Variants in ATP11A observed in about 807,000 individuals in gnomAD.
ATP11A encodes the protein ATPase phospholipid transporting 11A, also known as phospholipid-transporting ATPase IH.
ATP11A carries 81 observed loss-of-function variants against 154.4 expected under a neutral mutation model. The ratio of observed to expected loss-of-function variants is 0.52; its 90% CI spans 0.44 to 0.63. ATP11A has a LOEUF of 0.63. ATP11A is among the 30% of genes least tolerant of loss of function. The pLI, the probability that ATP11A is intolerant of heterozygous loss-of-function variation, is 0.00. For missense variants in ATP11A, 1,316 were observed against 1,474.3 expected, an observed-to-expected ratio of 0.89 and a Z score of 1.76; for synonymous variants, 623 against 585.9, an observed-to-expected ratio of 1.06 and a Z score of -0.91.
At chr13:112,811,520 A>G (rs556836566) in intron 5 of ATP11A, 10 of 152,364 alleles carry the variant, frequency 6.6e-5, no homozygotes, top group African/African-American at 2.2e-4. Context: ...TAATAAAATC[A>G]TATCAATATA....
At chr13:112,803,712 T>G (rs902980612) in intron 2 of ATP11A, among the ~76,000 whole-genome samples, 7 of 127,162 alleles carry the variant, frequency 5.5e-5, no homozygotes, top group African/African-American at 2.3e-4. Context: ...CTTCTCTCAT[T>G]CCCCTCCTTC....
At chr13:112,860,522 C>T in intron 24 of ATP11A, 108 bp downstream of exon 24, 4 of 1,289,212 alleles carry the variant, frequency 3.1e-6, no homozygotes, top group Non-Finnish European at 4.4e-6. Flanking sequence ...GGGCCAGAAG[C>T]ATTCGGCATC....
intron 1 of ATP11A, among the ~76,000 whole-genome samples, chr13:112,776,827 C>T (rs935597230): frequency 1.3e-5 from 2 of 152,148 alleles, no homozygotes; most frequent in Non-Finnish European, 2.9e-5. Context: ...AAACTCCTGA[C>T]CTCAGGTGAT....
intron 1 of ATP11A, among the ~76,000 whole-genome samples, chr13:112,758,625 G>A (rs1269520038): frequency 7.3e-5 from 11 of 151,510 alleles, no homozygotes; most frequent in Non-Finnish European, 1.3e-4. Flanking sequence ...GGGTTTCACC[G>A]TGTTAGCCAG....
At chr13:112,868,541 A>G (rs1451271820) in intron 25 of ATP11A, among the ~76,000 whole-genome samples, 2 of 152,210 alleles carry the variant, frequency 1.3e-5, no homozygotes, top group Admixed American at 6.5e-5. Flanking sequence ...TGCCTGTCAC[A>G]TGAGGACAGG....
chr13:112,722,033 A>G (rs1325418277), intron 1 of ATP11A, among the ~76,000 whole-genome samples: 1 of 152,160 alleles, frequency 6.6e-6, no homozygotes, highest in Non-Finnish European at 1.5e-5. Flanking sequence ...AGGACGCTAC[A>G]GTTTGCAAAA....
At chr13:112,870,871 G>A (rs548347613) in intron 25 of ATP11A, among the ~76,000 whole-genome samples, 43 of 152,338 alleles carry the variant, frequency 2.8e-4, no homozygotes, top group African/African-American at 9.6e-4. Flanking sequence ...CCTGTGCCTC[G>A]TGCGGTAGAG....
At position 112,715,173 on chromosome 13, in the gene ATP11A, C is replaced by T. The variant is rs137959357; in HGVS notation, c.39+24718C>T. Among the ~76,000 whole-genome samples the T allele has an allele frequency of 8.8e-4, 133 of 151,902 alleles. 1 individual carries two copies. Among genetic ancestry groups the T allele is most frequent in the Admixed American group, 1.8e-3 (27 of 15,232 alleles). The stretch of plus-strand genomic sequence containing the variant: ...TGTTGAAGGACACTTGGGTTGTTTC[C>T]TGCGGCAGCTTTTCCTGACCGAAAG... On this transcript the variant is annotated intron_variant, in intron 1 of 29. Transcript: ENST00000375645.
chr13:112,875,492 G>GTTTTTTTTTT lies in ATP11A; in HGVS notation c.3162-279_3162-270dup, dbSNP rs35972555. Reference sequence around the variant, plus strand: ...TCAATCCCTTTGTGTTTTGTTTTTTGTTTTTTTTTTTTTTGCTTCTGTGAA... The same window carrying GTTTTTTTTTT: ...TCAATCCCTTTGTGTTTTGTTTTTTGTTTTTTTTTTTTTTTTTTTTTTTTGCTTCTGTGAA... On this transcript the variant is annotated intron_variant, in intron 27 of 29. Coordinates refer to ENST00000375645, the MANE Select transcript of ATP11A (RefSeq NM_015205.3). This position sits in a 1 kb window ranked among gnomAD's most constrained non-coding sequence, Gnocchi z 4.1. Among the ~76,000 whole-genome samples the GTTTTTTTTTT allele has an allele frequency of 6.9e-6, 1 of 145,930 alleles. No individual in the cohort carries two copies.
intron 25 of ATP11A, among the ~76,000 whole-genome samples, chr13:112,862,865 G>A (rs866397356): frequency 1.5e-5 from 1 of 66,434 alleles, no homozygotes; most frequent in Non-Finnish European, 2.6e-5. Context: ...CCATCACCAC[G>A]TGCACAGTAA....
At position 112,697,362 on chromosome 13, in the gene ATP11A, T is replaced by C. The variant is rs368849354; in HGVS notation, c.39+6907T>C. ...GTCACCCGTGTGCCTAGAACGTTCCTGGCACAGAAAAGCCACGCAGAAAAC... is the reference window on the plus strand; with the variant it reads ...GTCACCCGTGTGCCTAGAACGTTCCCGGCACAGAAAAGCCACGCAGAAAAC... On this transcript the variant is annotated intron_variant, in intron 1 of 29. Coordinates refer to ENST00000375645, the MANE Select transcript of ATP11A (RefSeq NM_015205.3). The surrounding 1 kb of genome is among the most constrained non-coding windows in gnomAD (Gnocchi z 4.0). Among the ~76,000 whole-genome samples, 3 of 152,106 alleles carry C rather than the reference T, an allele frequency of 2.0e-5. No individual in the cohort carries two copies. Among genetic ancestry groups the C allele is most frequent in the African/African-American group, 7.2e-5 (3 of 41,406 alleles).
intron 2 of ATP11A, among the ~76,000 whole-genome samples, chr13:112,795,818 C>T (rs1010128100): frequency 1.3e-5 from 2 of 152,088 alleles, no homozygotes; most frequent in Admixed American, 6.5e-5. Context: ...TTAAAAAGGT[C>T]GATCACATGT....
chr13:112,858,793 C>T (rs1753921360), intron 22 of ATP11A: 3 of 161,476 alleles, frequency 1.9e-5, no homozygotes, highest in Non-Finnish European at 4.1e-5. Context: ...ACTTTGATTA[C>T]GGTATATTAT....
chr13:112,749,424 A>G (rs572132636), intron 1 of ATP11A, among the ~76,000 whole-genome samples: 33 of 152,386 alleles, frequency 2.2e-4, no homozygotes, highest in Admixed American at 2.6e-4. Flanking sequence ...ATTCTCAAAA[A>G]TATTCCCAGC....
At chr13:112,809,143 G>A (rs748121809) in intron 4 of ATP11A, among the ~76,000 whole-genome samples, 2 of 152,104 alleles carry the variant, frequency 1.3e-5, no homozygotes, top group Non-Finnish European at 2.9e-5. Context: ...TGCAGTTGGT[G>A]CTAAATAAGT....
chr13:112,690,527 C>A lies in ATP11A; in HGVS notation c.39+72C>A. On this transcript the variant is annotated intron_variant, in intron 1 of 29. Transcript: ENST00000375645. This position sits in a 1 kb window ranked among gnomAD's most constrained non-coding sequence, Gnocchi z 5.6. The stretch of plus-strand genomic sequence containing the variant: ...GCGGGCCGGCCCCGCAGCCCGGACC[C>A]TGTGGCCGGTCCAGCCCCGGGGTCC... 8.0e-7 allele frequency: 1 copy of A among 1,247,088 alleles called. No homozygotes were observed. Among genetic ancestry groups the A allele is most frequent in the East Asian group, 3.2e-5 (1 of 31,734 alleles). 77.3% of individuals were successfully genotyped at this position (1,247,088 alleles called of 1,614,324 possible). A position where few individuals can be genotyped will look rare whatever the true frequency, so the allele number is the denominator to read the frequency against.
chr13:112,872,525 C>T lies in ATP11A; in HGVS notation c.3057+725C>T, dbSNP rs557590111. 1.5e-3 allele frequency among the ~76,000 whole-genome samples: 221 copies of T among 152,344 alleles called. 1 individual carries two copies. The highest frequency in any genetic ancestry group is 5.1e-3 in the African/African-American group (212 of 41,576). On this transcript the variant is annotated intron_variant, in intron 26 of 29. Transcript: ENST00000375645. ...ACTTGGGAGGCTGAGGCACGAGAAT[C>T]GCTTGAACCCGGGAGGTGGAGGTTG...
chr13:112,776,142 A>T (rs774360628), intron 1 of ATP11A, among the ~76,000 whole-genome samples: 2 of 152,122 alleles, frequency 1.3e-5, no homozygotes, highest in Admixed American at 1.3e-4. Context: ...ACGGGGATTC[A>T]TGTTGACATC....
Position 112,832,913 on chromosome 13 carries a change from G to A in ATP11A, c.1449G>A (p.Val483=), listed in dbSNP as rs755515695. ...TCTGTCTCTGCCACACCGTCCAGGT[G>A]AAAGACGATGACAGCGTAGACGGCC... The part of the protein sequence containing the change: ...RALCLCHTVQ[V]KDDDSVDGPR... The change falls in exon 14 of 30, where the codon GTG becomes GTA. Residue 483 remains valine (V), a synonymous_variant. Transcript: ENST00000375645. The A allele has an allele frequency of 6.2e-7, 1 of 1,614,134 alleles. No homozygotes were observed. The highest frequency in any genetic ancestry group is 1.7e-5 in the Admixed American group (1 of 60,030).
Sources: gnomAD v4.1 joint callset for allele counts (sites outside exome capture counted in the v4.1 genomes callset) on GRCh38, gnomAD v4.1.1 for gene constraint, Gnocchi (gnomAD v3.1) non-coding constraint, MANE v1.5 for transcripts, NCBI Gene and HGNC (gene_info 2026-07-23, HGNC 2026-07-21) for gene names.